The following TPP1 variants were observed in gnomAD, a reference collection of about 807,000 sequenced individuals.
TPP1 encodes the protein tripeptidyl peptidase 1.
Under a neutral mutation model 67.6 loss-of-function variants are expected in TPP1, and 43 were observed. That is an observed-to-expected ratio of 0.64 (90% CI 0.50 to 0.82). TPP1 has a LOEUF of 0.82. Ranked by LOEUF, TPP1 falls within the 40% of genes least tolerant of loss-of-function variation. TPP1 has a pLI of 0.00. For missense variants in TPP1, 671 were observed against 710.9 expected, an observed-to-expected ratio of 0.94 and a Z score of 0.64; for synonymous variants, 272 against 281.5, an observed-to-expected ratio of 0.97 and a Z score of 0.34.
rs546294509 is a variant in TPP1, at chr11:6,617,094, C to A, written c.568G>T (p.Val190Leu). The change falls in exon 6 of 13, where the codon GTG (valine) becomes TTG (leucine). Residue 190 changes from valine (V) to leucine (L), a missense_variant. Coordinates refer to ENST00000299427, the MANE Select transcript of TPP1 (RefSeq NM_000391.4). ...AGATGCAGGCCTACAGTCCCTGTCA[C>A]CTGCGGCTCAGGACGTTGCCTCAGG... Reference protein sequence around the residue: ...SSLRQRPEPQVTGTVGLHLGV... With the variant: ...SSLRQRPEPQLTGTVGLHLGV... The A allele has an allele frequency of 4.3e-6, 7 of 1,614,146 alleles. 1 individual carries two copies. In the Admixed American group the frequency reaches 1.2e-4, roughly 27 times the overall value.
Position 6,617,741 on chromosome 11 carries a change from C to A in TPP1, c.265G>T (p.Val89Leu). ...YLTLENVADL[V>L]RPSPLTLHTV... ...TGGAGGGTCAGTGGGGATGGCCTCA[C>A]CAGATCAGCCACATTCTCTAGGGTC... is the stretch of plus-strand genomic sequence containing the variant. Residue 89 changes from valine (V) to leucine (L), a missense_variant, in exon 4 of 13, where the codon GTG (valine) becomes TTG (leucine). Coordinates refer to ENST00000299427, the MANE Select transcript of TPP1 (RefSeq NM_000391.4). 1 of 1,614,206 alleles carries A rather than the reference C, an allele frequency of 6.2e-7. No homozygotes were observed. Among genetic ancestry groups the A allele is most frequent in the Non-Finnish European group, 8.5e-7 (1 of 1,180,026 alleles).
Position 6,613,940 on chromosome 11 carries a change from T to G in TPP1, c.*606A>C. 6.4e-6 allele frequency: 1 copy of G among 156,876 alleles called. No individual in the cohort carries two copies. Among genetic ancestry groups the G allele is most frequent in the Admixed American group, 6.2e-5 (1 of 16,242 alleles). The allele number at this position is 156,876 out of a possible 1,614,324, so 9.7% of individuals were successfully genotyped here. Reference sequence around the variant, plus strand: ...GTCAGTGATTTGTTCCAGGGGACAATGAGTAAACTGAGAAGAGCAAAAATC... The same window carrying G: ...GTCAGTGATTTGTTCCAGGGGACAAGGAGTAAACTGAGAAGAGCAAAAATC... On this transcript the variant is annotated 3_prime_UTR_variant, in exon 13 of 13. Coordinates refer to ENST00000299427, the MANE Select transcript of TPP1 (RefSeq NM_000391.4).
intron 8 of TPP1, 33 bp from the exon 9 acceptor site, chr11:6,616,107 T>C (rs772849437): frequency 7.4e-6 from 12 of 1,613,494 alleles, no homozygotes; most frequent in Non-Finnish European, 8.5e-7. Flanking sequence ...TTCATATTAA[T>C]TGGTTAGGGC....
intron 9 of TPP1, 108 bp from the exon 10 acceptor site, chr11:6,615,670 T>G: frequency 1.4e-6 from 2 of 1,392,822 alleles, no homozygotes; most frequent in Admixed American, 1.7e-5. Context: ...CTAGACTCTG[T>G]GGGGAAGCAT....
rs759080581 is a variant in TPP1, at chr11:6,618,809, G to A, written c.196C>T (p.Gln66Ter). The change falls in exon 3 of 13, where the codon CAG (glutamine) becomes TAG (stop). Residue 66 changes from glutamine to a stop codon, truncating the protein, a stop_gained. Coordinates refer to ENST00000299427, the MANE Select transcript of TPP1 (RefSeq NM_000391.4). LOFTEE classifies it high-confidence loss of function. Reference protein sequence around the residue: ...QNVERLSELVQAVSDPSSPQY... With the variant: ...QNVERLSELV Reference sequence around the variant, plus strand: ...GGAGAGCTGGGATCCGACACAGCCTGCACCAGCTCCGAGAGTCTTTCCACA... The same window carrying A: ...GGAGAGCTGGGATCCGACACAGCCTACACCAGCTCCGAGAGTCTTTCCACA... The A allele has an allele frequency of 6.2e-6, 10 of 1,614,038 alleles. No homozygotes were observed. The highest frequency in any genetic ancestry group is 8.5e-6 in the Non-Finnish European group (10 of 1,180,040).
At chr11:6,614,796 G>GC in intron 12 of TPP1, 70 bp downstream of exon 12, 1 of 1,613,418 alleles carries the variant, frequency 6.2e-7, no homozygotes, top group Non-Finnish European at 8.5e-7. Context: ...CACCCTAACT[G>GC]CCCCCAAGTC....
chr11:6,617,831 C>G, intron 3 of TPP1, 55 bp from the exon 4 acceptor site: 1 of 1,612,592 alleles, frequency 6.2e-7, no homozygotes, highest in Admixed American at 1.7e-5. Context: ...CCAAACTCCC[C>G]CTTTTGGACC....
Position 6,617,740 on chromosome 11 carries a change from AC to A in TPP1, c.265del (p.Val89Ter). The A allele has an allele frequency of 6.2e-7, 1 of 1,614,218 alleles. No homozygotes were observed. The highest frequency in any genetic ancestry group is 1.3e-5 in the African/African-American group (1 of 75,054). ...YLTLENVADL[V>X]RPSPLTLHTV... ...GTGGAGGGTCAGTGGGGATGGCCTC[AC>A]CAGATCAGCCACATTCTCTAGGGTC... On this transcript the variant is annotated frameshift_variant, in exon 4 of 13. Transcript: ENST00000299427. LOFTEE classifies it high-confidence loss of function.
rs568597841 is a variant in TPP1 at position 6,619,096 on chromosome 11, G to A, written c.89+100C>T. ...ACATAGAGATGAAGCTATGGAGTGCGTACTAGGAGCTGGCACGGGGGTGAG... is the reference window on the plus strand; with the variant it reads ...ACATAGAGATGAAGCTATGGAGTGCATACTAGGAGCTGGCACGGGGGTGAG... On this transcript the variant is annotated intron_variant, in intron 2 of 12. Coordinates refer to ENST00000299427, the MANE Select transcript of TPP1 (RefSeq NM_000391.4). 47 of 1,503,920 alleles carry A rather than the reference G, an allele frequency of 3.1e-5. No individual in the cohort carries two copies. In the African/African-American group the frequency reaches 4.7e-4, roughly 15 times the overall value. 93.2% of individuals were successfully genotyped at this position (1,503,920 alleles called of 1,614,324 possible).
chr11:6,618,498 C>CTTAGT, intron 3 of TPP1: 1 of 594,152 alleles, frequency 1.7e-6, no homozygotes. Flanking sequence ...AACTGGCAGC[C>CTTAGT]TTAGTATGTG....
At position 6,619,277 on chromosome 11, in the gene TPP1, C is replaced by T. The variant is rs778206032; in HGVS notation, c.18-10G>A. 1.2e-6 allele frequency: 2 copies of T among 1,614,198 alleles called. No homozygotes were observed. Among genetic ancestry groups the T allele is most frequent in the Admixed American group, 3.3e-5 (2 of 60,028 alleles). On this transcript the variant is annotated splice_polypyrimidine_tract_variant and intron_variant, in intron 1 of 12. Coordinates refer to ENST00000299427, the MANE Select transcript of TPP1 (RefSeq NM_000391.4). ...AAAGAGCCCTAGGAGGCTGTAGGGGCAGCAGGTGGGTTTCAGTGGGAGCTA... is the reference window on the plus strand; with the variant it reads ...AAAGAGCCCTAGGAGGCTGTAGGGGTAGCAGGTGGGTTTCAGTGGGAGCTA...
intron 12 of TPP1, 24 bp downstream of exon 12, chr11:6,614,842 C>T: frequency 6.2e-7 from 1 of 1,614,044 alleles, no homozygotes; most frequent in Non-Finnish European, 8.5e-7. Flanking sequence ...TGAAAACGTC[C>T]ACACCCTTCC....
chr11:6,618,747 C>G, intron 3 of TPP1, 29 bp downstream of exon 3: 1 of 1,612,674 alleles, frequency 6.2e-7, no homozygotes, highest in Non-Finnish European at 8.5e-7. Context: ...CACCGCATCC[C>G]ACATCCTGTC....
intron 4 of TPP1, 47 bp from the exon 5 acceptor site, chr11:6,617,475 G>A: frequency 1.2e-6 from 2 of 1,613,974 alleles, no homozygotes; most frequent in Non-Finnish European, 1.7e-6. Flanking sequence ...CGGAACAGAA[G>A]AAGCTACCTC....
chr11:6,618,031 A>G (rs1438125985), intron 3 of TPP1: 3 of 560,922 alleles, frequency 5.3e-6, no homozygotes, highest in Non-Finnish European at 9.6e-6. Flanking sequence ...ATGTATTGCC[A>G]TGATCATGAA....
At chr11:6,618,069 T>G in intron 3 of TPP1, 1 of 458,314 alleles carries the variant, frequency 2.2e-6, no homozygotes, top group East Asian at 4.3e-5. Flanking sequence ...CATATAAATT[T>G]TCCATTTTAA....
At chr11:6,618,409 G>C (rs1229456554) in intron 3 of TPP1, 3 of 477,158 alleles carry the variant, frequency 6.3e-6, no homozygotes, top group Admixed American at 3.6e-5. Context: ...AGTAGTCCAG[G>C]AGTGGGAATA....
At chr11:6,618,687 A>G in intron 3 of TPP1, 89 bp downstream of exon 3, 1 of 1,569,538 alleles carries the variant, frequency 6.4e-7, no homozygotes, top group South Asian at 1.1e-5. Context: ...GTGTCTTGGC[A>G]GGCTCTGACA....
rs372918851 is a variant in TPP1 at position 6,619,099 on chromosome 11, C to T, written c.89+97G>A. 16 of 1,522,390 alleles carry T rather than the reference C, an allele frequency of 1.1e-5. 1 individual carries two copies. In the South Asian group the frequency reaches 1.6e-4, roughly 15 times the overall value. 94.3% of individuals were successfully genotyped at this position (1,522,390 alleles called of 1,614,324 possible). On this transcript the variant is annotated intron_variant, in intron 2 of 12. Coordinates refer to ENST00000299427, the MANE Select transcript of TPP1 (RefSeq NM_000391.4). ...TAGAGATGAAGCTATGGAGTGCGTA[C>T]TAGGAGCTGGCACGGGGGTGAGAGA...
Sources: allele counts gnomAD v4.1 joint callset, GRCh38; gene constraint gnomAD v4.1.1; transcripts MANE v1.5; gene names NCBI Gene and HGNC (gene_info 2026-07-23, HGNC 2026-07-21).